GPC5: variants seen among roughly 807,000 people sequenced by gnomAD.
The protein encoded by GPC5 is glypican 5.
A neutral mutation model predicts 53.9 loss-of-function variants in GPC5; 47 were observed. The ratio of observed to expected loss-of-function variants is 0.87; its 90% CI spans 0.69 to 1.11. GPC5 has a LOEUF of 1.11. Among genes scored for constraint, GPC5 ranks in the 50% most tolerant of loss-of-function variants. The pLI is 0.00. For synonymous variants in GPC5, 286 were observed against 263.3 expected, an observed-to-expected ratio of 1.09 and a Z score of -0.84; for missense variants, 748 against 713.1, an observed-to-expected ratio of 1.05 and a Z score of -0.56.
chr13:92,477,757 T>G (rs1211749668), intron 7 of GPC5, among the ~76,000 whole-genome samples: 1 of 152,140 alleles, frequency 6.6e-6, no homozygotes, highest in Non-Finnish European at 1.5e-5. Flanking sequence ...ATAAAGGACC[T>G]CTAGAGGTTA....
At chr13:92,370,181 G>A (rs1336674627) in intron 7 of GPC5, among the ~76,000 whole-genome samples, 1 of 152,180 alleles carries the variant, frequency 6.6e-6, no homozygotes, top group African/African-American at 2.4e-5. Context: ...ATGTTTCATG[G>A]ACATTTATTT....
chr13:91,881,314 A>G (rs1278907697), intron 5 of GPC5, among the ~76,000 whole-genome samples: 1 of 152,130 alleles, frequency 6.6e-6, no homozygotes, highest in African/African-American at 2.4e-5. Flanking sequence ...AAAATTCTTT[A>G]AGATTCTAAT....
chr13:92,090,979 T>C (rs2041375788), intron 6 of GPC5, among the ~76,000 whole-genome samples: 3 of 152,208 alleles, frequency 2.0e-5, no homozygotes, highest in African/African-American at 4.8e-5. Flanking sequence ...TGTGAAGATA[T>C]AGTCAGAAGG....
intron 7 of GPC5, among the ~76,000 whole-genome samples, chr13:92,795,828 G>A (rs1876656291): frequency 6.6e-6 from 1 of 152,140 alleles, no homozygotes; most frequent in Non-Finnish European, 1.5e-5. Context: ...TCTCATGCCA[G>A]TTAGAATGGC....
chr13:92,574,043 C>T (rs1468973627), intron 7 of GPC5, among the ~76,000 whole-genome samples: 1 of 152,178 alleles, frequency 6.6e-6, no homozygotes. Context: ...GTTTGTCTTT[C>T]CTAAATTACT....
At chr13:91,932,055 T>A (rs571819275) in intron 6 of GPC5, among the ~76,000 whole-genome samples, 14 of 151,864 alleles carry the variant, frequency 9.2e-5, no homozygotes, top group African/African-American at 3.1e-4. Context: ...AGCAAAAAAG[T>A]CCACTGATCT....
At chr13:92,789,381 G>C (rs1420202025) in intron 7 of GPC5, among the ~76,000 whole-genome samples, 1 of 152,146 alleles carries the variant, frequency 6.6e-6, no homozygotes, top group African/African-American at 2.4e-5. Flanking sequence ...TAAAATGTAG[G>C]TCAAATGTAA....
chr13:92,214,886 C>T (rs913855880), intron 7 of GPC5, among the ~76,000 whole-genome samples: 1 of 152,100 alleles, frequency 6.6e-6, no homozygotes, highest in African/African-American at 2.4e-5. Flanking sequence ...TTGGCTGTTG[C>T]TGGTTTTGAA....
chr13:91,887,282 C>A (rs1030748268), intron 5 of GPC5, among the ~76,000 whole-genome samples: 44 of 152,134 alleles, frequency 2.9e-4, no homozygotes, highest in Admixed American at 7.2e-4. Context: ...GGAGCGGCTG[C>A]AATGCAGGGC....
intron 7 of GPC5, among the ~76,000 whole-genome samples, chr13:92,737,642 G>T (rs1038216120): frequency 6.5e-4 from 98 of 151,518 alleles, no homozygotes; most frequent in African/African-American, 2.3e-3. Context: ...TTATGTTTTT[G>T]CATCCAGAGT....
intron 2 of GPC5, among the ~76,000 whole-genome samples, chr13:91,537,771 A>G (rs1886657288): frequency 6.6e-6 from 1 of 152,230 alleles, no homozygotes; most frequent in East Asian, 1.9e-4. Context: ...AAAATCTTCA[A>G]CAAAATTCTA....
intron 2 of GPC5, among the ~76,000 whole-genome samples, chr13:91,504,167 A>G (rs1443046202): frequency 1.3e-5 from 2 of 152,140 alleles, no homozygotes; most frequent in African/African-American, 2.4e-5. Flanking sequence ...TCTTTAAAAA[A>G]TTATACATCT....
At chr13:91,886,380 T>A (rs1248144210) in intron 5 of GPC5, among the ~76,000 whole-genome samples, 2 of 152,156 alleles carry the variant, frequency 1.3e-5, no homozygotes, top group East Asian at 3.9e-4. Flanking sequence ...TAATTCAAGA[T>A]GAGATTTGGG....
At chr13:91,848,947 C>T (rs1317946110) in intron 5 of GPC5, among the ~76,000 whole-genome samples, 1 of 152,014 alleles carries the variant, frequency 6.6e-6, no homozygotes, top group Non-Finnish European at 1.5e-5. Flanking sequence ...ATAGATTGCT[C>T]GTATTTTATT....
intron 7 of GPC5, among the ~76,000 whole-genome samples, chr13:92,402,186 T>C (rs924929783): frequency 3.3e-5 from 5 of 152,174 alleles, no homozygotes; most frequent in Non-Finnish European, 5.9e-5. Flanking sequence ...TATTGGATAA[T>C]ATTATTTTAT....
At chr13:91,944,207 C>T (rs2039954529) in intron 6 of GPC5, among the ~76,000 whole-genome samples, 1 of 151,848 alleles carries the variant, frequency 6.6e-6, no homozygotes, top group Non-Finnish European at 1.5e-5. Context: ...GTCAATCTCC[C>T]GCCTCAGCCT....
intron 7 of GPC5, among the ~76,000 whole-genome samples, chr13:92,476,364 G>T (rs978169486): frequency 6.6e-6 from 1 of 151,626 alleles, no homozygotes; most frequent in Non-Finnish European, 1.5e-5. Flanking sequence ...ACACCAGTTA[G>T]AATGGCAATC....
chr13:92,367,240 C>T (rs2043613724), intron 7 of GPC5, among the ~76,000 whole-genome samples: 1 of 152,086 alleles, frequency 6.6e-6, no homozygotes, highest in South Asian at 2.1e-4. Context: ...AGCTATGAGA[C>T]TTCATTTATT....
intron 7 of GPC5, among the ~76,000 whole-genome samples, chr13:92,527,209 GAAA>G (rs1566277026): frequency 3.2e-4 from 9 of 27,818 alleles, no homozygotes; most frequent in African/African-American, 2.4e-3. Context: ...AAGAAAGAAA[GAAA>G]GAAAGAAAGA....
Sources: allele counts gnomAD v4.1 joint callset (sites outside exome capture counted in the v4.1 genomes callset), GRCh38; gene constraint gnomAD v4.1.1; transcripts MANE v1.5; gene names NCBI Gene and HGNC (gene_info 2026-07-23, HGNC 2026-07-21).